ZNF804A: variants seen among roughly 807,000 people sequenced by gnomAD.
ZNF804A encodes the protein zinc finger protein 804A.
Under a neutral mutation model 16.5 loss-of-function variants are expected in ZNF804A, and 2 were observed. That is an observed-to-expected ratio of 0.12 (90% CI 0.05 to 0.38). ZNF804A has a LOEUF of 0.38. Ranked by LOEUF, ZNF804A falls within the 10% of genes least tolerant of loss-of-function variation. The probability of loss-of-function intolerance (pLI) is 0.99; values close to 1 mark genes in which losing one functional copy is unlikely to be tolerated. For missense variants in ZNF804A, 1,473 were observed against 1,390.7 expected, an observed-to-expected ratio of 1.06 and a Z score of -0.94; for synonymous variants, 534 against 489.6, an observed-to-expected ratio of 1.09 and a Z score of -1.20.
In ZNF804A at chr2:184,607,936, C is replaced by CTTTTTTTTTT. The variant is rs34262998; in HGVS notation, c.111+8884_111+8893dup. Among the ~76,000 whole-genome samples the CTTTTTTTTTT allele has an allele frequency of 6.1e-5, 4 of 65,654 alleles. 1 individual carries two copies. Among genetic ancestry groups the CTTTTTTTTTT allele is most frequent in the Non-Finnish European group, 7.8e-5 (3 of 38,512 alleles). The allele number at this position is 65,654 out of a possible 152,430, so 43.1% of individuals were successfully genotyped here. A position where few individuals can be genotyped will look rare whatever the true frequency, so the allele number is the denominator to read the frequency against. On this transcript the variant is annotated intron_variant, in intron 1 of 3. Transcript: ENST00000302277. ...CACCATGGAGAACCTTGATGCATCT[C>CTTTTTTTTTT]TTTTTTTTTTTTTTTTTTTTTTTTT...
rs189673479 is a variant in ZNF804A, at chr2:184,836,697, A to T, written c.112-29672A>T. On this transcript the variant is annotated intron_variant, in intron 1 of 3. Coordinates refer to ENST00000302277, the MANE Select transcript of ZNF804A (RefSeq NM_194250.2). ...TTTGTGTGTGTGTATATATATATAT[A>T]TTTTTTTTTTATGATAGACTCCCTC... Among the ~76,000 whole-genome samples the T allele has an allele frequency of 8.1e-3, 1,056 of 131,082 alleles. 13 individuals are homozygous for T. Among genetic ancestry groups the T allele is most frequent in the African/African-American group, 0.029 (932 of 31,786 alleles). The allele number at this position is 131,082 out of a possible 152,430, so 86.0% of individuals were successfully genotyped here.
In ZNF804A at chr2:184,761,398, G is replaced by C. The variant is rs554044835; in HGVS notation, c.112-104971G>C. ...ATCAAATTGTGTTCAGCCAGGTAAG[G>C]CTCAAACTTGAAGCTTACAGCTCTA... On this transcript the variant is annotated intron_variant, in intron 1 of 3. Transcript: ENST00000302277. Among the ~76,000 whole-genome samples the C allele has an allele frequency of 4.6e-5, 7 of 152,164 alleles. No homozygotes were observed. In the South Asian group the frequency reaches 1.5e-3, roughly 32 times the overall value.
At chr2:184,830,375 T>C (rs1558975218) in intron 1 of ZNF804A, among the ~76,000 whole-genome samples, 5 of 152,262 alleles carry the variant, frequency 3.3e-5, no homozygotes, top group African/African-American at 1.2e-4. Flanking sequence ...CCTTGAGATA[T>C]AATATGTGAT....
rs530079070 is a variant in ZNF804A, at chr2:184,750,140, T to A, written c.112-116229T>A. On this transcript the variant is annotated intron_variant, in intron 1 of 3. Transcript: ENST00000302277. ...TGTATATTTACTTGTGTTGGTTAATTTTTGTATTTTAAATTTATTGAGGAG... is the reference window on the plus strand; with the variant it reads ...TGTATATTTACTTGTGTTGGTTAATATTTGTATTTTAAATTTATTGAGGAG... Among the ~76,000 whole-genome samples the A allele has an allele frequency of 2.2e-4, 33 of 151,484 alleles. 2 individuals carry two copies. In the South Asian group the frequency reaches 4.8e-3, roughly 22 times the overall value.
At chr2:184,694,171 A>G (rs1455462632) in intron 1 of ZNF804A, among the ~76,000 whole-genome samples, 1 of 148,972 alleles carries the variant, frequency 6.7e-6, no homozygotes, top group Non-Finnish European at 1.5e-5. Context: ...CTGGTCTCGG[A>G]CTCCTGACCT....
chr2:184,750,779 T>G (rs1257340574), intron 1 of ZNF804A, among the ~76,000 whole-genome samples: 1 of 151,450 alleles, frequency 6.6e-6, no homozygotes, highest in Non-Finnish European at 1.5e-5. Flanking sequence ...CTAGGAATTA[T>G]ACATCTTTTG....
chr2:184,900,717 G>C (rs1409155749), intron 2 of ZNF804A, among the ~76,000 whole-genome samples: 1 of 152,146 alleles, frequency 6.6e-6, no homozygotes, highest in Admixed American at 6.6e-5. Flanking sequence ...TGGGGACTGT[G>C]ATACAGGACA....
intron 1 of ZNF804A, among the ~76,000 whole-genome samples, chr2:184,848,940 TTGTG>T (rs1695561977): frequency 6.6e-6 from 1 of 152,050 alleles, no homozygotes; most frequent in East Asian, 1.9e-4. Flanking sequence ...GGACAAAGGC[TTGTG>T]TGTAGATAAT....
chr2:184,816,798 T>C (rs1258058100), intron 1 of ZNF804A, among the ~76,000 whole-genome samples: 1 of 151,942 alleles, frequency 6.6e-6, no homozygotes, highest in Non-Finnish European at 1.5e-5. Context: ...CTCTCACTCC[T>C]CTACTCAGAT....
At chr2:184,821,142 A>C (rs925258245) in intron 1 of ZNF804A, among the ~76,000 whole-genome samples, 8 of 152,166 alleles carry the variant, frequency 5.3e-5, no homozygotes, top group African/African-American at 1.9e-4. Context: ...AGCTGGAGGC[A>C]TCATGCTACT....
chr2:184,771,351 A>C (rs1694209709), intron 1 of ZNF804A, among the ~76,000 whole-genome samples: 1 of 152,028 alleles, frequency 6.6e-6, no homozygotes, highest in Non-Finnish European at 1.5e-5. Flanking sequence ...ACATGTATTT[A>C]ATATATCACA....
intron 1 of ZNF804A, among the ~76,000 whole-genome samples, chr2:184,627,382 T>A (rs1163484967): frequency 6.6e-6 from 1 of 152,208 alleles, no homozygotes. Flanking sequence ...TACAGATATC[T>A]AATTAATTTG....
chr2:184,815,727 A>G (rs374805344), intron 1 of ZNF804A, among the ~76,000 whole-genome samples: 1 of 152,040 alleles, frequency 6.6e-6, no homozygotes, highest in South Asian at 2.1e-4. Flanking sequence ...GGGTGCTGTT[A>G]TATAAAATGA....
intron 1 of ZNF804A, among the ~76,000 whole-genome samples, chr2:184,835,399 A>T (rs1695327114): frequency 6.6e-6 from 1 of 152,110 alleles, no homozygotes; most frequent in Non-Finnish European, 1.5e-5. Flanking sequence ...TAGAAAAAGG[A>T]TGGTAACTTC....
At chr2:184,637,223 C>A (rs2054549) in intron 1 of ZNF804A, among the ~76,000 whole-genome samples, 84,035 of 151,874 alleles carry the variant, frequency 0.55, 24,112 homozygotes, top group African/African-American at 0.65. Context: ...TTTAGAACTC[C>A]TGATAATTAT....
chr2:184,727,817 A>G (rs112171480), intron 1 of ZNF804A, among the ~76,000 whole-genome samples: 19 of 151,752 alleles, frequency 1.3e-4, no homozygotes, highest in African/African-American at 3.6e-4. Flanking sequence ...GTTTATGAGT[A>G]TCTACAGTGT....
intron 1 of ZNF804A, among the ~76,000 whole-genome samples, chr2:184,725,805 C>T (rs1222188370): frequency 4.0e-5 from 6 of 151,416 alleles, no homozygotes; most frequent in Non-Finnish European, 1.5e-5. Context: ...CTCCTCTCCC[C>T]TACTCATCAC....
intron 1 of ZNF804A, among the ~76,000 whole-genome samples, chr2:184,754,975 A>G (rs1693936773): frequency 6.6e-6 from 1 of 151,870 alleles, no homozygotes; most frequent in African/African-American, 2.4e-5. Flanking sequence ...AGAACGGCAC[A>G]GGGAAAACTG....
chr2:184,905,093 CTG>C (rs59253076), intron 2 of ZNF804A, among the ~76,000 whole-genome samples: 81,057 of 150,184 alleles, frequency 0.54, 22,906 homozygotes, highest in East Asian at 0.83. Flanking sequence ...ATTAGAGTGT[CTG>C]TGTGTGTGTG....
Sources: gnomAD v4.1 joint callset for allele counts (sites outside exome capture counted in the v4.1 genomes callset) on GRCh38, gnomAD v4.1.1 for gene constraint, MANE v1.5 for transcripts, NCBI Gene and HGNC (gene_info 2026-07-23, HGNC 2026-07-21) for gene names.